Variants in ANPEP observed in about 807,000 individuals in gnomAD.
ANPEP encodes aminopeptidase N.
ANPEP carries 70 observed loss-of-function variants against 114.6 expected under a neutral mutation model. That is an observed-to-expected ratio of 0.61 (90% CI 0.50 to 0.75). The LOEUF (loss-of-function observed/expected upper bound fraction) is 0.75, where lower values mean the gene tolerates loss of function less well. Among genes scored for constraint, ANPEP ranks in the 30% least tolerant of loss-of-function variants. The probability of loss-of-function intolerance (pLI) is 0.00; values close to 1 mark genes in which losing one functional copy is unlikely to be tolerated. For synonymous variants in ANPEP, 548 were observed against 522.3 expected (o/e 1.05, Z -0.67); for missense variants, 1,184 against 1,259.5 (o/e 0.94, Z 0.91).
rs202028731 is a variant in ANPEP, at chr15:89,785,517, A to G, written c.2752-16T>C. 2 of 1,607,778 alleles carry G rather than the reference A, an allele frequency of 1.2e-6. No individual in the cohort carries two copies. The highest frequency in any genetic ancestry group is 2.2e-5 in the East Asian group (1 of 44,858). ...ACTGCTCCAGCTGCCAGAAAAACAA[A>G]AGATTCTCAGTCCGGCTGGGTCCCT... On this transcript the variant is annotated splice_polypyrimidine_tract_variant and intron_variant, in intron 20 of 20. Coordinates refer to ENST00000300060, the MANE Select transcript of ANPEP (RefSeq NM_001150.3).
intron 1 of ANPEP, among the ~76,000 whole-genome samples, chr15:89,808,364 G>A (rs1358366691): frequency 6.6e-6 from 1 of 152,222 alleles, no homozygotes; most frequent in Non-Finnish European, 1.5e-5. Flanking sequence ...CAAAGCCCCA[G>A]AACTCAGCGT....
At chr15:89,810,410 A>AAATG (rs1406176413) in intron 1 of ANPEP, among the ~76,000 whole-genome samples, 2 of 151,780 alleles carry the variant, frequency 1.3e-5, no homozygotes, top group African/African-American at 4.8e-5. Flanking sequence ...ATAAATAAAT[A>AAATG]AAAATACAAA....
At chr15:89,788,986 T>A (rs1454089652) in intron 20 of ANPEP, among the ~76,000 whole-genome samples, 1 of 145,580 alleles carries the variant, frequency 6.9e-6, no homozygotes, top group African/African-American at 2.5e-5. Flanking sequence ...TATATATCAA[T>A]TTTTTTTTTT....
chr15:89,793,958 T>C (rs370183837), intron 15 of ANPEP, among the ~76,000 whole-genome samples: 51 of 152,296 alleles, frequency 3.3e-4, no homozygotes, highest in African/African-American at 1.1e-3. Flanking sequence ...TGGTTTGACA[T>C]GGCAGGTTGA....
At chr15:89,790,817 C>G (rs764776417) in intron 19 of ANPEP, 136 bp downstream of exon 19, 33 of 1,163,422 alleles carry the variant, frequency 2.8e-5, no homozygotes, top group Non-Finnish European at 3.6e-5. Context: ...CATTCCTGCC[C>G]CACCCTAGCC....
At chr15:89,801,360 G>A (rs1372157835) in intron 11 of ANPEP, 75 bp downstream of exon 11, 7 of 1,579,258 alleles carry the variant, frequency 4.4e-6, no homozygotes, top group Non-Finnish European at 6.1e-6. Flanking sequence ...CAGGAGGCCA[G>A]TCCTACTATG....
intron 4 of ANPEP, 131 bp from the exon 5 acceptor site, chr15:89,804,748 TAG>T: frequency 1.5e-6 from 2 of 1,322,548 alleles, no homozygotes; most frequent in Non-Finnish European, 2.1e-6. Context: ...AAGCTAAACC[TAG>T]AGGCCTGGTC....
At position 89,805,325 on chromosome 15, in the gene ANPEP, G is replaced by A. The variant is rs1287154142; in HGVS notation, c.753C>T (p.Pro251=). The change falls in exon 3 of 21, where the codon CCC becomes CCT. Residue 251 remains proline, a synonymous_variant. Coordinates refer to ENST00000300060, the MANE Select transcript of ANPEP (RefSeq NM_001150.3). The stretch of plus-strand genomic sequence containing the variant: ...CCGCAGGCAGGGCCCACTCACCTTT[G>A]GGAAGCATGTTGGACAGGGCTGTCA... ...KDLTALSNML[P]KGPSTPLPED... is the part of the protein sequence containing the mutation. The A allele has an allele frequency of 6.2e-7, 1 of 1,613,970 alleles. No individual in the cohort carries two copies. Among genetic ancestry groups the A allele is most frequent in the Non-Finnish European group, 8.5e-7 (1 of 1,179,906 alleles).
intron 1 of ANPEP, among the ~76,000 whole-genome samples, chr15:89,810,369 ACT>A (rs1894795428): frequency 6.8e-6 from 1 of 147,526 alleles, no homozygotes; most frequent in African/African-American, 2.5e-5. Context: ...ACGGTGTAAG[ACT>A]CTGTCTCAAA....
At position 89,785,367 on chromosome 15, in the gene ANPEP, G is replaced by A; in HGVS notation, c.2886C>T (p.Phe962=). The change falls in exon 21 of 21, where the codon TTC becomes TTT. Residue 962 remains phenylalanine (F), a synonymous_variant. Coordinates refer to ENST00000300060, the MANE Select transcript of ANPEP (RefSeq NM_001150.3). The part of the protein sequence containing the change: ...KENKEVVLQW[F]TENSK ...CTGGGGACTATTTGCTGTTTTCTGT[G>A]AACCACTGGAGCACCACCTCCTTGT... 6.2e-7 allele frequency: 1 copy of A among 1,614,216 alleles called. No homozygotes were observed. The highest frequency in any genetic ancestry group is 8.5e-7 in the Non-Finnish European group (1 of 1,180,026).
At chr15:89,801,285 C>T (rs989672382) in intron 11 of ANPEP, 98 bp from the exon 12 acceptor site, 27 of 1,550,734 alleles carry the variant, frequency 1.7e-5, no homozygotes. Flanking sequence ...AGCTCTGGCA[C>T]CGAGTGCCCC....
In ANPEP at chr15:89,785,462, C is replaced by T. The variant is rs370461277; in HGVS notation, c.2791G>A (p.Gly931Ser). The change falls in exon 21 of 21, where the codon GGC becomes AGC. Residue 931 changes from glycine to serine, a missense_variant. Transcript: ENST00000300060. ...TGCTCCAGGGCCCGGGTGCCTGAGC[C>T]GAAGCCTGTTTCCTCGTTGTCCTTC... ...FKKDNEETGF[G>S]SGTRALEQAL... 2.4e-4 allele frequency: 380 copies of T among 1,613,954 alleles called. No homozygotes were observed. The highest frequency in any genetic ancestry group is 2.9e-4 in the Non-Finnish European group (344 of 1,179,940).
chr15:89,788,124 C>T (rs1034957127), intron 20 of ANPEP, among the ~76,000 whole-genome samples: 6 of 152,182 alleles, frequency 3.9e-5, no homozygotes, highest in Admixed American at 6.5e-5. Context: ...CCAGCAATTC[C>T]GCTCCTAGGT....
chr15:89,799,307 A>G lies in ANPEP; in HGVS notation c.1962T>C (p.Pro654=). Residue 654 remains proline (P), a synonymous_variant, in exon 14 of 21, where the codon CCT becomes CCC. Coordinates refer to ENST00000300060, the MANE Select transcript of ANPEP (RefSeq NM_001150.3). This position sits in a 1 kb window ranked among gnomAD's most constrained non-coding sequence, Gnocchi z 4.2. The part of the protein sequence containing the change: ...TQLQRDHSAI[P]VINRAQIIND... Reference sequence around the variant, plus strand: ...TAATGATCTGTGCCCGATTGATGACAGGGATGGCCTAGAATGCGAAGCACA... The same window carrying G: ...TAATGATCTGTGCCCGATTGATGACGGGGATGGCCTAGAATGCGAAGCACA... 3.7e-6 allele frequency: 6 copies of G among 1,614,162 alleles called. No individual in the cohort carries two copies. Among genetic ancestry groups the G allele is most frequent in the Non-Finnish European group, 5.1e-6 (6 of 1,180,020 alleles).
rs1318095303 is a variant in ANPEP at position 89,789,777 on chromosome 15, A to G, written c.2751+683T>C. On this transcript the variant is annotated intron_variant, in intron 20 of 20. Coordinates refer to ENST00000300060, the MANE Select transcript of ANPEP (RefSeq NM_001150.3). ...CATGACAGAGCGAGACTCAGTCTCA[A>G]AAAAAAAAAAAAGCTGGACGCCGTG... 2.0e-5 allele frequency among the ~76,000 whole-genome samples: 3 copies of G among 148,592 alleles called. 1 individual carries two copies. Among genetic ancestry groups the G allele is most frequent in the Non-Finnish European group, 4.5e-5 (3 of 66,866 alleles).
intron 1 of ANPEP, among the ~76,000 whole-genome samples, chr15:89,811,289 C>T (rs560393243): frequency 1.3e-3 from 191 of 152,308 alleles, no homozygotes; most frequent in African/African-American, 4.6e-3. Flanking sequence ...TAGCCTCCTT[C>T]TGAGCGATAA....
At chr15:89,795,275 G>A (rs1347538687) in intron 15 of ANPEP, among the ~76,000 whole-genome samples, 1 of 152,094 alleles carries the variant, frequency 6.6e-6, no homozygotes, top group Non-Finnish European at 1.5e-5. Context: ...CTCCCAGGGG[G>A]CAGAATAAAA....
At chr15:89,787,218 G>A (rs561099647) in intron 20 of ANPEP, among the ~76,000 whole-genome samples, 101 of 151,736 alleles carry the variant, frequency 6.7e-4, no homozygotes, top group Non-Finnish European at 1.1e-3. Flanking sequence ...GCTAATTTTC[G>A]TATTTTTTAG....
rs770780272 is a variant in ANPEP, at chr15:89,790,543, T to C, written c.2670-2A>G. The C allele has an allele frequency of 6.2e-7, 1 of 1,613,494 alleles. No individual in the cohort carries two copies. Among genetic ancestry groups the C allele is most frequent in the Non-Finnish European group, 8.5e-7 (1 of 1,179,568 alleles). Reference sequence around the variant, plus strand: ...AAGGAGAACGAGCCACCACCATAACTGCAGGGAGGGAGAGAGGTGAACTGT... The same window carrying C: ...AAGGAGAACGAGCCACCACCATAACCGCAGGGAGGGAGAGAGGTGAACTGT... On this transcript the variant is annotated splice_acceptor_variant, in intron 19 of 20. Transcript: ENST00000300060. LOFTEE classifies it high-confidence loss of function.
Sources: gnomAD v4.1 joint callset for allele counts (sites outside exome capture counted in the v4.1 genomes callset) on GRCh38, gnomAD v4.1.1 for gene constraint, Gnocchi (gnomAD v3.1) non-coding constraint, MANE v1.5 for transcripts, NCBI Gene and HGNC (gene_info 2026-07-23, HGNC 2026-07-21) for gene names.